Variants in SUPT3H observed in about 807,000 individuals in gnomAD.
The protein encoded by SUPT3H is SPT3 homolog, SAGA and STAGA complex component.
SUPT3H carries 44 observed loss-of-function variants against 44.3 expected under a neutral mutation model. The observed-to-expected ratio is 0.99, with a 90% CI of 0.78 to 1.28. The LOEUF (loss-of-function observed/expected upper bound fraction) is 1.28. Among genes scored for constraint, SUPT3H ranks in the 50% most tolerant of loss-of-function variants. The pLI is 0.00. For synonymous variants in SUPT3H, 124 were observed against 125.6 expected (o/e 0.99, Z 0.09); for missense variants, 380 against 387.1 (o/e 0.98, Z 0.15).
intron 2 of SUPT3H, among the ~76,000 whole-genome samples, chr6:45,349,587 G>C (rs1376876936): frequency 6.6e-6 from 1 of 152,192 alleles, no homozygotes; most frequent in Non-Finnish European, 1.5e-5. Flanking sequence ...AGGCTCTCAG[G>C]TGATTCTAAT....
intron 2 of SUPT3H, among the ~76,000 whole-genome samples, chr6:45,329,577 A>G (rs1787041463): frequency 6.6e-6 from 1 of 151,948 alleles, no homozygotes; most frequent in Admixed American, 6.6e-5. Flanking sequence ...GAAACGTCTA[A>G]GATTCTTTTA....
At chr6:45,282,658 T>A (rs1461164370) in intron 2 of SUPT3H, among the ~76,000 whole-genome samples, 1 of 152,148 alleles carries the variant, frequency 6.6e-6, no homozygotes, top group Non-Finnish European at 1.5e-5. Flanking sequence ...TGGAAAACAC[T>A]CTGCAGGATA....
intron 2 of SUPT3H, among the ~76,000 whole-genome samples, chr6:45,171,161 T>C (rs1479968184): frequency 1.3e-5 from 2 of 152,190 alleles, no homozygotes; most frequent in Non-Finnish European, 2.9e-5. Context: ...ATTTCTGAAA[T>C]GTATTCATTT....
In SUPT3H at chr6:45,176,270, G is replaced by A. The variant is rs571596256; in HGVS notation, c.102-70264C>T. Among the ~76,000 whole-genome samples the A allele has an allele frequency of 5.5e-4, 84 of 151,848 alleles. No homozygotes were observed. The Middle Eastern group carries it at 0.01, about 18-fold the overall frequency. The stretch of plus-strand genomic sequence containing the variant: ...AGGCATTGCCTCACCTGGGAAGCGC[G>A]AGGGGTCAAGAACTTCCCTTTCCGA... On this transcript the variant is annotated intron_variant, in intron 2 of 10. Transcript: ENST00000371459.
At chr6:45,174,624 C>T (rs979725615) in intron 2 of SUPT3H, among the ~76,000 whole-genome samples, 5 of 152,098 alleles carry the variant, frequency 3.3e-5, no homozygotes, top group African/African-American at 1.2e-4. Context: ...TAAAACAGCA[C>T]CTTTACAAAA....
At chr6:44,949,374 G>A (rs1773905946) in intron 9 of SUPT3H, among the ~76,000 whole-genome samples, 2 of 150,788 alleles carry the variant, frequency 1.3e-5, no homozygotes, top group South Asian at 4.2e-4. Flanking sequence ...ATGTACCCTA[G>A]AACTTAAAGT....
chr6:44,862,932 A>G (rs1206813576), intron 10 of SUPT3H, among the ~76,000 whole-genome samples: 2 of 152,248 alleles, frequency 1.3e-5, no homozygotes, highest in East Asian at 3.9e-4. Flanking sequence ...TCTCTCTTTG[A>G]CGGCATATTC....
chr6:44,979,623 A>G (rs1480804666), intron 6 of SUPT3H, among the ~76,000 whole-genome samples: 3 of 152,178 alleles, frequency 2.0e-5, no homozygotes, highest in Admixed American at 6.5e-5. Context: ...AAAAGCTAGG[A>G]TGAGTAATCT....
At chr6:45,023,713 G>C (rs2153519882) in intron 3 of SUPT3H, among the ~76,000 whole-genome samples, 1 of 108,834 alleles carries the variant, frequency 9.2e-6, no homozygotes, top group African/African-American at 3.7e-5. Flanking sequence ...TAAATGATGA[G>C]CACTTATGAA....
chr6:45,157,790 G>A (rs1288466507), intron 2 of SUPT3H, among the ~76,000 whole-genome samples: 1 of 151,304 alleles, frequency 6.6e-6, no homozygotes, highest in Non-Finnish European at 1.5e-5. Flanking sequence ...CTCGTGATCC[G>A]CCTGCCTCGG....
At chr6:45,123,148 A>T (rs1441020031) in intron 2 of SUPT3H, among the ~76,000 whole-genome samples, 1 of 152,182 alleles carries the variant, frequency 6.6e-6, no homozygotes, top group Non-Finnish European at 1.5e-5. Context: ...ATATTCACTG[A>T]ACATCAACCA....
At chr6:44,830,200 G>A (rs1348800572) in intron 10 of SUPT3H, among the ~76,000 whole-genome samples, 2 of 152,122 alleles carry the variant, frequency 1.3e-5, no homozygotes, top group African/African-American at 4.8e-5. Flanking sequence ...GATATGCTCA[G>A]GAATCACTTC....
intron 2 of SUPT3H, among the ~76,000 whole-genome samples, chr6:45,309,353 T>C (rs1372767832): frequency 2.0e-5 from 3 of 151,198 alleles, no homozygotes; most frequent in Non-Finnish European, 4.4e-5. Context: ...AAAAACACGA[T>C]GAAATGAAAT....
intron 2 of SUPT3H, among the ~76,000 whole-genome samples, chr6:45,208,452 C>A (rs542863304): frequency 1.3e-5 from 2 of 152,118 alleles, no homozygotes; most frequent in African/African-American, 4.8e-5. Context: ...CTTGACTGGG[C>A]GTGATGCCCA....
At position 45,003,864 on chromosome 6, in the gene SUPT3H, T is replaced by C; in HGVS notation, c.365-72A>G. The C allele has an allele frequency of 2.0e-6, 3 of 1,499,518 alleles. No individual in the cohort carries two copies. In the South Asian group the frequency reaches 3.7e-5, roughly 19 times the overall value. The allele number at this position is 1,499,518 out of a possible 1,614,324, so 92.9% of individuals were successfully genotyped here. On this transcript the variant is annotated intron_variant, in intron 5 of 10. Coordinates refer to ENST00000371459, the MANE Select transcript of SUPT3H (RefSeq NM_003599.4). ...TTACATCAGCACTAATTATTACATG[T>C]ATTAAATATAGTATACCAAATTCAG...
chr6:45,089,803 G>C (rs1018422057), intron 3 of SUPT3H, among the ~76,000 whole-genome samples: 4 of 151,766 alleles, frequency 2.6e-5, no homozygotes, highest in Non-Finnish European at 5.9e-5. Context: ...TCCAGAAGCA[G>C]CATCTTGAGT....
At chr6:45,375,928 A>C (rs902816886) in intron 1 of SUPT3H, among the ~76,000 whole-genome samples, 6 of 152,194 alleles carry the variant, frequency 3.9e-5, no homozygotes, top group Non-Finnish European at 7.3e-5. Context: ...TAACCATAAA[A>C]CTAGTTCTAA....
At chr6:45,124,965 G>T (rs943192352) in intron 2 of SUPT3H, among the ~76,000 whole-genome samples, 6 of 152,102 alleles carry the variant, frequency 3.9e-5, no homozygotes, top group African/African-American at 1.4e-4. Context: ...GACGGAGGAA[G>T]AAGACAGTAA....
intron 10 of SUPT3H, among the ~76,000 whole-genome samples, chr6:44,841,215 T>C (rs973186051): frequency 2.0e-5 from 3 of 152,236 alleles, no homozygotes; most frequent in Non-Finnish European, 2.9e-5. Context: ...ATATTATTAT[T>C]AGTTGTTATA....
Sources: gnomAD v4.1 joint callset for allele counts (sites outside exome capture counted in the v4.1 genomes callset) on GRCh38, gnomAD v4.1.1 for gene constraint, MANE v1.5 for transcripts, NCBI Gene and HGNC (gene_info 2026-07-23, HGNC 2026-07-21) for gene names.